PLCXD3: variants seen among roughly 807,000 people sequenced by gnomAD.
PLCXD3 encodes the protein PI-PLC X domain-containing protein 3.
In PLCXD3, 19 loss-of-function variants were observed where a neutral mutation model predicts 25.5. The observed-to-expected ratio is 0.75, with a 90% CI of 0.52 to 1.09. PLCXD3 has a LOEUF of 1.09. PLCXD3 is among the 50% of genes least tolerant of loss of function. The pLI is 0.00. For missense variants in PLCXD3, 411 were observed against 388.1 expected (o/e 1.06, Z -0.50); for synonymous variants, 174 against 137.6 (o/e 1.26, Z -1.85).
chr5:41,313,511 C>G lies in PLCXD3; in HGVS notation c.*106G>C. On this transcript the variant is annotated 3_prime_UTR_variant, in exon 3 of 3. Transcript: ENST00000377801. ...TTTCCCACCCACTACCAGCCCTATT[C>G]CCTTCAGAGACTCAGTGGAATAGGA... The G allele has an allele frequency of 7.2e-7, 1 of 1,385,074 alleles. No homozygotes were observed. The highest frequency in any genetic ancestry group is 1.0e-6 in the Non-Finnish European group (1 of 987,608). 85.8% of individuals were successfully genotyped at this position (1,385,074 alleles called of 1,614,324 possible).
In PLCXD3 at chr5:41,419,888, A is replaced by C. The variant is rs1293446643; in HGVS notation, c.104-37354T>G. On this transcript the variant is annotated intron_variant, in intron 1 of 2. Coordinates refer to ENST00000377801, the MANE Select transcript of PLCXD3 (RefSeq NM_001005473.3). Reference sequence around the variant, plus strand: ...GTGCTTAAGTGCCAAATAATTAATTATTATGATTATGATTATTGTTAGAAA... The same window carrying C: ...GTGCTTAAGTGCCAAATAATTAATTCTTATGATTATGATTATTGTTAGAAA... 2.6e-5 allele frequency among the ~76,000 whole-genome samples: 4 copies of C among 152,182 alleles called. No individual in the cohort carries two copies. The East Asian group carries it at 7.7e-4, about 29-fold the overall frequency.
intron 2 of PLCXD3, among the ~76,000 whole-genome samples, chr5:41,333,375 G>A (rs953363644): frequency 6.6e-6 from 1 of 152,108 alleles, no homozygotes; most frequent in Non-Finnish European, 1.5e-5. Context: ...ATGTAAAGAA[G>A]AGAATGACAA....
chr5:41,449,870 T>C lies in PLCXD3; in HGVS notation c.103+60554A>G, dbSNP rs78872736. Among the ~76,000 whole-genome samples, 95 of 152,260 alleles carry C rather than the reference T, an allele frequency of 6.2e-4. No homozygotes were observed. The East Asian group carries it at 0.011, about 17-fold the overall frequency. Reference sequence around the variant, plus strand: ...GAGGAAGGGCATATAAGCAGTACACTAATAGTGTCTGCTATATCTTAAAGC... The same window carrying C: ...GAGGAAGGGCATATAAGCAGTACACCAATAGTGTCTGCTATATCTTAAAGC... On this transcript the variant is annotated intron_variant, in intron 1 of 2. Transcript: ENST00000377801.
intron 2 of PLCXD3, among the ~76,000 whole-genome samples, chr5:41,316,928 C>T (rs1260815788): frequency 6.6e-6 from 1 of 152,204 alleles, no homozygotes; most frequent in Admixed American, 6.5e-5. Context: ...GCTTGGGGGA[C>T]CTTGCCATCC....
intron 1 of PLCXD3, among the ~76,000 whole-genome samples, chr5:41,483,354 G>T (rs566262621): frequency 6.6e-6 from 1 of 152,062 alleles, no homozygotes; most frequent in Admixed American, 6.6e-5. Flanking sequence ...ATATTGGACC[G>T]GATGCGAAAT....
At chr5:41,374,829 C>T (rs561335180) in intron 2 of PLCXD3, among the ~76,000 whole-genome samples, 1 of 152,064 alleles carries the variant, frequency 6.6e-6, no homozygotes, top group South Asian at 2.1e-4. Context: ...TGTCTTGGGA[C>T]ATGGCCTAGG....
At chr5:41,342,865 A>T (rs2054445) in intron 2 of PLCXD3, among the ~76,000 whole-genome samples, 12,859 of 152,150 alleles carry the variant, frequency 0.085, 835 homozygotes, top group East Asian at 0.35. Flanking sequence ...AAAAATATAA[A>T]CAATGATGCC....
At chr5:41,507,261 C>T (rs576103826) in intron 1 of PLCXD3, among the ~76,000 whole-genome samples, 119 of 152,268 alleles carry the variant, frequency 7.8e-4, no homozygotes, top group African/African-American at 2.5e-3. Context: ...AGGGCAGTAT[C>T]ATTCATAATC....
intron 1 of PLCXD3, among the ~76,000 whole-genome samples, chr5:41,446,200 A>AAAAAAAAAAAAAAAAAAAAAC (rs1747498278): frequency 6.7e-6 from 1 of 148,174 alleles, no homozygotes; most frequent in Non-Finnish European, 1.5e-5. Context: ...AAAAAAAAAA[A>AAAAAAAAAAAAAAAAAAAAAC]AGAACAACGA....
At chr5:41,330,007 G>C (rs1181695342) in intron 2 of PLCXD3, among the ~76,000 whole-genome samples, 1 of 151,646 alleles carries the variant, frequency 6.6e-6, no homozygotes, top group African/African-American at 2.4e-5. Context: ...TTACAGTTAT[G>C]GGCGAACAAT....
At chr5:41,396,790 G>A (rs571748355) in intron 1 of PLCXD3, among the ~76,000 whole-genome samples, 14 of 152,312 alleles carry the variant, frequency 9.2e-5, no homozygotes, top group South Asian at 2.1e-4. Flanking sequence ...AGCAAAGCTC[G>A]CACTTGCTAT....
chr5:41,465,353 CTTTTTTTTTTTTTTT>C (rs58098437), intron 1 of PLCXD3, among the ~76,000 whole-genome samples: 23 of 13,234 alleles, frequency 1.7e-3, no homozygotes, highest in South Asian at 6.5e-3. Flanking sequence ...TAGTTCTTGT[CTTTTTTTTTTTTTTT>C]TTTTTTTTTT....
At chr5:41,486,290 G>A (rs754522233) in intron 1 of PLCXD3, among the ~76,000 whole-genome samples, 34 of 151,664 alleles carry the variant, frequency 2.2e-4, no homozygotes, top group Non-Finnish European at 1.0e-4. Flanking sequence ...TCCTCTGCTG[G>A]GGAAAAACTC....
rs149016138 is a variant in PLCXD3 at position 41,333,106 on chromosome 5, A to T, written c.813-19336T>A. Reference sequence around the variant, plus strand: ...ACTTAAAGTATAATAATAATAAAATAATATAAAATAAAAGACAAAAACAAA... The same window carrying T: ...ACTTAAAGTATAATAATAATAAAATTATATAAAATAAAAGACAAAAACAAA... On this transcript the variant is annotated intron_variant, in intron 2 of 2. Coordinates refer to ENST00000377801, the MANE Select transcript of PLCXD3 (RefSeq NM_001005473.3). Among the ~76,000 whole-genome samples the T allele has an allele frequency of 8.0e-3, 1,208 of 151,932 alleles. 18 individuals are homozygous for T. The highest frequency in any genetic ancestry group is 0.028 in the African/African-American group (1,161 of 41,376).
At chr5:41,442,598 T>C (rs1747409311) in intron 1 of PLCXD3, among the ~76,000 whole-genome samples, 1 of 152,210 alleles carries the variant, frequency 6.6e-6, no homozygotes, top group African/African-American at 2.4e-5. Flanking sequence ...ATGATTTACT[T>C]TAGCAGACTT....
intron 2 of PLCXD3, among the ~76,000 whole-genome samples, chr5:41,379,650 A>G (rs1020430079): frequency 3.3e-5 from 5 of 152,060 alleles, no homozygotes; most frequent in Non-Finnish European, 4.4e-5. Context: ...GAAGATTTGT[A>G]ATTAAAGACA....
Position 41,492,007 on chromosome 5 carries a change from T to A in PLCXD3, c.103+18417A>T, listed in dbSNP as rs188305108. On this transcript the variant is annotated intron_variant, in intron 1 of 2. Coordinates refer to ENST00000377801, the MANE Select transcript of PLCXD3 (RefSeq NM_001005473.3). ...GTTAGCTGGTTATTTTGCTCATTAG[T>A]TGATGCACTTTCTTCCTAGCCTCGA... 3.5e-3 allele frequency among the ~76,000 whole-genome samples: 539 copies of A among 152,360 alleles called. 1 individual carries two copies. Among genetic ancestry groups the A allele is most frequent in the African/African-American group, 0.012 (495 of 41,586 alleles).
At position 41,382,122 on chromosome 5, in the gene PLCXD3, T is replaced by G; in HGVS notation, c.516A>C (p.Pro172=). The G allele has an allele frequency of 6.2e-7, 1 of 1,613,760 alleles. No homozygotes were observed. Among genetic ancestry groups the G allele is most frequent in the Non-Finnish European group, 8.5e-7 (1 of 1,179,766 alleles). The change falls in exon 2 of 3, where the codon CCA becomes CCC. Residue 172 remains proline, a synonymous_variant. Coordinates refer to ENST00000377801, the MANE Select transcript of PLCXD3 (RefSeq NM_001005473.3). ...LKDIYGNKMC[P]AIFAQEVSLK... ...AACTAACTTCCTGGGCAAAAATCGC[T>G]GGGCACATTTTATTTCCATAGATGT...
chr5:41,430,065 A>G (rs1005750151), intron 1 of PLCXD3, among the ~76,000 whole-genome samples: 4 of 152,160 alleles, frequency 2.6e-5, no homozygotes, highest in Admixed American at 1.3e-4. Flanking sequence ...TTTGAACCCT[A>G]CTTTGCTGCT....
Sources: allele counts gnomAD v4.1 joint callset (sites outside exome capture counted in the v4.1 genomes callset), GRCh38; gene constraint gnomAD v4.1.1; transcripts MANE v1.5; gene names NCBI Gene and HGNC (gene_info 2026-07-23, HGNC 2026-07-21).